SLC25A26: variants seen among roughly 807,000 people sequenced by gnomAD.
SLC25A26 encodes the protein mitochondrial S-adenosylmethionine carrier protein.
SLC25A26 carries 36 observed loss-of-function variants against 37.8 expected under a neutral mutation model. The ratio of observed to expected loss-of-function variants is 0.95; its 90% CI spans 0.73 to 1.26. SLC25A26 has a LOEUF of 1.26. Ranked by LOEUF, SLC25A26 falls within the 50% of genes most tolerant of loss-of-function variation. The pLI, the probability that SLC25A26 is intolerant of heterozygous loss-of-function variation, is 0.00. For missense variants in SLC25A26, 390 were observed against 331.1 expected (o/e 1.18, Z -1.38); for synonymous variants, 129 against 122.5 (o/e 1.05, Z -0.35).
chr3:66,200,898 G>A (rs1368219302), intron 1 of SLC25A26, among the ~76,000 whole-genome samples: 1 of 152,202 alleles, frequency 6.6e-6, no homozygotes, highest in African/African-American at 2.4e-5. Context: ...CTAAGTGGGG[G>A]AAATATCCCT....
At chr3:66,235,589 G>A (rs1576677818) in intron 1 of SLC25A26, among the ~76,000 whole-genome samples, 1 of 152,176 alleles carries the variant, frequency 6.6e-6, no homozygotes, top group South Asian at 2.1e-4. Flanking sequence ...GATTCACAGA[G>A]ATTATAAGCT....
intron 5 of SLC25A26, among the ~76,000 whole-genome samples, chr3:66,343,224 T>C (rs950417180): frequency 6.6e-6 from 1 of 152,236 alleles, no homozygotes; most frequent in African/African-American, 2.4e-5. Flanking sequence ...AGCCCATCTT[T>C]CACATGTGTG....
intron 5 of SLC25A26, among the ~76,000 whole-genome samples, chr3:66,326,181 A>G (rs1285903202): frequency 2.0e-5 from 3 of 152,182 alleles, no homozygotes; most frequent in Non-Finnish European, 4.4e-5. Context: ...TTGGGGCTTC[A>G]GCCTATGGGC....
At chr3:66,277,816 G>A (rs1465926578) in intron 5 of SLC25A26, among the ~76,000 whole-genome samples, 2 of 151,966 alleles carry the variant, frequency 1.3e-5, no homozygotes, top group Non-Finnish European at 2.9e-5. Context: ...GCACCAAGAA[G>A]GACACAATGT....
At chr3:66,136,406 A>G (rs1242930499) in intron 1 of SLC25A26, among the ~76,000 whole-genome samples, 1 of 152,206 alleles carries the variant, frequency 6.6e-6, no homozygotes, top group Non-Finnish European at 1.5e-5. Flanking sequence ...ATCACTCTCC[A>G]TTGGCCTATA....
intron 5 of SLC25A26, among the ~76,000 whole-genome samples, chr3:66,315,299 C>G (rs2075505989): frequency 6.6e-6 from 1 of 151,962 alleles, no homozygotes; most frequent in Non-Finnish European, 1.5e-5. Context: ...AAATCTGTGT[C>G]CCAGAGATTC....
At position 66,243,305 on chromosome 3, in the gene SLC25A26, G is replaced by A. The variant is rs989566303; in HGVS notation, c.293G>A (p.Gly98Glu). The change falls in exon 3 of 10, where the codon GGA becomes GAA. Residue 98 changes from glycine to glutamate, a missense_variant. Transcript: ENST00000354883. ...AAACATATGTTGGCTGCCTCTGCTGGAGAAGTGGTAAGTAACAAGTTTTGT... is the reference window on the plus strand; with the variant it reads ...AAACATATGTTGGCTGCCTCTGCTGAAGAAGTGGTAAGTAACAAGTTTTGT... ...PMKHMLAASA[G>E]EVVACLIRVP... The A allele has an allele frequency of 5.1e-6, 8 of 1,584,118 alleles. No homozygotes were observed. Among genetic ancestry groups the A allele is most frequent in the Non-Finnish European group, 6.9e-6 (8 of 1,156,772 alleles).
chr3:66,243,507 A>C (rs1025620644), intron 3 of SLC25A26, among the ~76,000 whole-genome samples, 195 bp downstream of exon 3: 1 of 152,230 alleles, frequency 6.6e-6, no homozygotes, highest in Non-Finnish European at 1.5e-5. Flanking sequence ...TATATAGGAC[A>C]GAAGAAGAAT....
intron 5 of SLC25A26, among the ~76,000 whole-genome samples, chr3:66,310,015 C>T (rs925631642): frequency 6.6e-6 from 1 of 152,096 alleles, no homozygotes; most frequent in Non-Finnish European, 1.5e-5. Flanking sequence ...TCAGTCAGGT[C>T]CCCTCGGTCC....
chr3:66,276,995 TTTAAGCATAATAGTG>T (rs1359406588), intron 5 of SLC25A26, among the ~76,000 whole-genome samples: 1 of 151,404 alleles, frequency 6.6e-6, no homozygotes, highest in African/African-American at 2.4e-5. Flanking sequence ...AAAATGTAAA[TTTAAGCATAATAGTG>T]TTTTCCGATC....
At chr3:66,373,294 C>A (rs777487930) in intron 9 of SLC25A26, among the ~76,000 whole-genome samples, 1 of 152,216 alleles carries the variant, frequency 6.6e-6, no homozygotes, top group Non-Finnish European at 1.5e-5. Flanking sequence ...CTGCTCAACT[C>A]AAAAGTCTTC....
intron 5 of SLC25A26, among the ~76,000 whole-genome samples, chr3:66,319,682 A>T (rs187165642): frequency 6.6e-6 from 1 of 151,872 alleles, no homozygotes; most frequent in Non-Finnish European, 1.5e-5. Flanking sequence ...AAAAAATGAT[A>T]CATCTTCATA....
intron 1 of SLC25A26, among the ~76,000 whole-genome samples, chr3:66,206,866 A>G (rs2071185159): frequency 6.9e-6 from 1 of 145,500 alleles, no homozygotes; most frequent in Non-Finnish European, 1.5e-5. Context: ...GGCATGCACT[A>G]CCACCCCTGG....
intron 1 of SLC25A26, among the ~76,000 whole-genome samples, chr3:66,231,860 C>T (rs1159908308): frequency 6.7e-6 from 1 of 149,338 alleles, no homozygotes; most frequent in East Asian, 2.0e-4. Flanking sequence ...CAACCTCAAA[C>T]TCCTGGGCCC....
At chr3:66,194,838 T>A (rs1158702744) in intron 1 of SLC25A26, among the ~76,000 whole-genome samples, 2 of 152,180 alleles carry the variant, frequency 1.3e-5, no homozygotes, top group Non-Finnish European at 2.9e-5. Flanking sequence ...CGACCCCAGG[T>A]GATCCGCCCT....
intron 6 of SLC25A26, among the ~76,000 whole-genome samples, chr3:66,351,660 A>G (rs1261651917): frequency 6.6e-6 from 1 of 152,168 alleles, no homozygotes; most frequent in Non-Finnish European, 1.5e-5. Context: ...CTAGGTCAGA[A>G]CAGAACTGTC....
At chr3:66,218,400 A>C (rs910685244), upstream of SLC25A26, among the ~76,000 whole-genome samples, 1 of 152,212 alleles carries the variant, frequency 6.6e-6, no homozygotes, top group East Asian at 1.9e-4. Flanking sequence ...TCGAAACAGC[A>C]ATGTATGAGA....
chr3:66,343,822 G>A (rs1410296613), intron 5 of SLC25A26, among the ~76,000 whole-genome samples: 1 of 152,052 alleles, frequency 6.6e-6, no homozygotes, highest in Non-Finnish European at 1.5e-5. Context: ...ATTTAGAAAA[G>A]CTTTTAGAAA....
chr3:66,227,731 C>T (rs782521507), intron 1 of SLC25A26, among the ~76,000 whole-genome samples: 9 of 152,024 alleles, frequency 5.9e-5, no homozygotes, highest in African/African-American at 2.2e-4. Context: ...GGAGCTTTTT[C>T]GTGATACTTG....
Sources: gnomAD v4.1 joint callset for allele counts (sites outside exome capture counted in the v4.1 genomes callset) on GRCh38, gnomAD v4.1.1 for gene constraint, MANE v1.5 for transcripts, NCBI Gene and HGNC (gene_info 2026-07-23, HGNC 2026-07-21) for gene names.